The following CCNJL variants were observed in gnomAD, a reference collection of about 807,000 sequenced individuals.
CCNJL encodes the protein cyclin-J-like protein.
A neutral mutation model predicts 33.4 loss-of-function variants in CCNJL; 33 were observed. The observed-to-expected ratio is 0.99, with a 90% CI of 0.75 to 1.32. The LOEUF (loss-of-function observed/expected upper bound fraction) is 1.32. Ranked by LOEUF, CCNJL falls within the 40% of genes most tolerant of loss-of-function variation. The probability of loss-of-function intolerance (pLI) is 0.00; values close to 1 mark genes in which losing one functional copy is unlikely to be tolerated. For synonymous variants in CCNJL, 227 were observed against 220.9 expected (o/e 1.03, Z -0.24); for missense variants, 512 against 499.7 (o/e 1.02, Z -0.23).
At position 160,299,098 on chromosome 5, in the gene CCNJL, C is replaced by A. The variant is rs1762843361; in HGVS notation, c.66+12760G>T. Among the ~76,000 whole-genome samples the A allele has an allele frequency of 2.0e-5, 3 of 152,214 alleles. No homozygotes were observed. The East Asian group carries it at 5.8e-4, about 29-fold the overall frequency. ...TGCTCAAGCAATCCTCCTACCACAG[C>A]CTTCCAAGTAGTTGGGATTACAGGT... On this transcript the variant is annotated intron_variant, in intron 2 of 5. Transcript: ENST00000257536.
intron 2 of CCNJL, among the ~76,000 whole-genome samples, chr5:160,289,183 C>T (rs766911592): frequency 4.6e-5 from 7 of 152,128 alleles, no homozygotes; most frequent in African/African-American, 7.2e-5. Flanking sequence ...GGCTTCCCAC[C>T]GCCAGCAGCC....
intron 1 of CCNJL, among the ~76,000 whole-genome samples, chr5:160,321,498 C>G (rs192531229): frequency 6.6e-6 from 1 of 152,278 alleles, no homozygotes; most frequent in Admixed American, 6.5e-5. Flanking sequence ...TGCAAAGACC[C>G]AAAGTTCAAG....
intron 2 of CCNJL, among the ~76,000 whole-genome samples, chr5:160,297,011 C>T (rs974000388): frequency 5.9e-5 from 9 of 152,134 alleles, no homozygotes; most frequent in African/African-American, 2.2e-4. Context: ...ATAGGACCTA[C>T]TGGAAGGAGT....
intron 5 of CCNJL, chr5:160,254,666 G>C (rs1001458023): frequency 3.9e-6 from 1 of 255,924 alleles, no homozygotes; most frequent in Admixed American, 5.5e-5. Context: ...GAACTGGACA[G>C]TGTGTGCCTA....
chr5:160,330,770 TCTC>T (rs1763597195), intron 1 of CCNJL, among the ~76,000 whole-genome samples: 1 of 152,142 alleles, frequency 6.6e-6, no homozygotes, highest in South Asian at 2.1e-4. Flanking sequence ...TTCAAGCAGT[TCTC>T]CTGCCTCAGC....
intron 4 of CCNJL, among the ~76,000 whole-genome samples, chr5:160,255,919 C>G (rs1761044797): frequency 6.6e-6 from 1 of 152,160 alleles, no homozygotes; most frequent in Admixed American, 6.5e-5. Context: ...GACAGGGTCT[C>G]GCTCTGTTGC....
upstream of CCNJL, chr5:160,312,785 G>C (rs1763321440): frequency 6.6e-6 from 1 of 152,170 alleles, no homozygotes; most frequent in Non-Finnish European, 1.5e-5. Context: ...CACCCCTCCG[G>C]CTTGCGCAGG....
chr5:160,323,761 G>A (rs1357301787), intron 1 of CCNJL, among the ~76,000 whole-genome samples: 1 of 152,228 alleles, frequency 6.6e-6, no homozygotes, highest in Non-Finnish European at 1.5e-5. Flanking sequence ...ACTGAGGGAA[G>A]CTGACTGCCC....
At chr5:160,288,026 G>T (rs1321577245) in intron 2 of CCNJL, among the ~76,000 whole-genome samples, 2 of 152,188 alleles carry the variant, frequency 1.3e-5, no homozygotes, top group Non-Finnish European at 2.9e-5. Flanking sequence ...TGAACAGGTG[G>T]AGGCATGGAC....
Position 160,319,878 on chromosome 5 carries a change from C to G in CCNJL, n.207-4373G>C, listed in dbSNP as rs1357125903. On this transcript the variant is annotated intron_variant and non_coding_transcript_variant, in intron 1 of 7. Coordinates refer to the CCNJL transcript ENST00000377503. ...GTGGCTGCAGTAAGCCCTGATCTCT[C>G]CACTGCAGTACAGCCTGAGCAACAG... Among the ~76,000 whole-genome samples, 7 of 151,904 alleles carry G rather than the reference C, an allele frequency of 4.6e-5. No homozygotes were observed. In the East Asian group the frequency reaches 9.6e-4, roughly 21 times the overall value.
intron 2 of CCNJL, among the ~76,000 whole-genome samples, chr5:160,308,158 A>G (rs1487028683): frequency 6.6e-6 from 1 of 152,202 alleles, no homozygotes; most frequent in Non-Finnish European, 1.5e-5. Flanking sequence ...GAGCAGCACT[A>G]TGTGAACGGG....
intron 2 of CCNJL, among the ~76,000 whole-genome samples, chr5:160,310,162 A>G (rs1763217010): frequency 6.6e-6 from 1 of 152,210 alleles, no homozygotes; most frequent in Admixed American, 6.5e-5. Flanking sequence ...TATGATAAAC[A>G]AGGAAGCCCA....
intron 1 of CCNJL, among the ~76,000 whole-genome samples, chr5:160,337,003 C>CTTTTTTTTTTTTTTTTTT (rs35461944): frequency 9.5e-5 from 9 of 95,064 alleles, no homozygotes; most frequent in East Asian, 3.3e-4. Flanking sequence ...CTTTTTCTTT[C>CTTTTTTTTTTTTTTTTTT]TTTTTTTTTT....
chr5:160,307,576 A>G (rs925765781), intron 2 of CCNJL, among the ~76,000 whole-genome samples: 1 of 152,208 alleles, frequency 6.6e-6, no homozygotes, highest in African/African-American at 2.4e-5. Flanking sequence ...CCTGGCACAG[A>G]CTTGGTTACC....
chr5:160,296,086 T>C (rs1762743226), intron 2 of CCNJL, among the ~76,000 whole-genome samples: 1 of 152,086 alleles, frequency 6.6e-6, no homozygotes. Flanking sequence ...GTGTGTAGCA[T>C]GCAGTTGGCT....
intron 2 of CCNJL, among the ~76,000 whole-genome samples, chr5:160,305,107 C>T (rs1291151424): frequency 6.6e-6 from 1 of 152,088 alleles, no homozygotes; most frequent in Non-Finnish European, 1.5e-5. Flanking sequence ...AGCCACCGCG[C>T]CTGGCCAGGT....
intron 1 of CCNJL, among the ~76,000 whole-genome samples, chr5:160,337,759 T>C (rs1265783348): frequency 6.6e-6 from 1 of 152,234 alleles, no homozygotes; most frequent in Non-Finnish European, 1.5e-5. Flanking sequence ...TTCTTCTTAA[T>C]ATTTAGTTGG....
intron 3 of CCNJL, among the ~76,000 whole-genome samples, chr5:160,271,924 C>CGTTTCCTTG (rs1761849006): frequency 1.3e-5 from 2 of 152,238 alleles, no homozygotes; most frequent in Admixed American, 1.3e-4. Context: ...TTATCTCCTG[C>CGTTTCCTTG]AAGGGCGCTG....
At chr5:160,300,758 C>A (rs539962497) in intron 2 of CCNJL, among the ~76,000 whole-genome samples, 1 of 152,266 alleles carries the variant, frequency 6.6e-6, no homozygotes, top group East Asian at 1.9e-4. Context: ...CTCCTGGGCC[C>A]AAGTGATCCT....
Sources: gnomAD v4.1 joint callset for allele counts (sites outside exome capture counted in the v4.1 genomes callset) on GRCh38, gnomAD v4.1.1 for gene constraint, MANE v1.5 for transcripts, NCBI Gene and HGNC (gene_info 2026-07-23, HGNC 2026-07-21) for gene names.